Variants in NPBWR1 observed in about 807,000 individuals in gnomAD.
NPBWR1 encodes the protein neuropeptides B/W receptor type 1.
NPBWR1 carries 4 observed loss-of-function variants against 2.8 expected under a neutral mutation model. The ratio of observed to expected loss-of-function variants is 1.44; its 90% CI spans 0.71 to 3.29. The LOEUF (loss-of-function observed/expected upper bound fraction) is 3.29. NPBWR1 is among the 30% of genes most tolerant of loss of function. NPBWR1 has a pLI of 0.01. For missense variants in NPBWR1, 545 were observed against 462.5 expected (o/e 1.18, Z -1.64); for synonymous variants, 250 against 224.5 (o/e 1.11, Z -1.02).
chr8:52,941,394 G>A lies in NPBWR1; in HGVS notation c.*500G>A, dbSNP rs1432260920. 6.6e-6 allele frequency among the ~76,000 whole-genome samples: 1 copy of A among 152,198 alleles called. No individual in the cohort carries two copies. The highest frequency in any genetic ancestry group is 2.4e-5 in the African/African-American group (1 of 41,466). On this transcript the variant is annotated 3_prime_UTR_variant, in exon 2 of 2. Coordinates refer to ENST00000674939, the MANE Select transcript of NPBWR1 (RefSeq NM_005285.5). ...GGTCCCCTTGTCCTCCGCGCGCTCT[G>A]GGAAGACGGTCAGGCGCGCGCGTTT... is the stretch of plus-strand genomic sequence containing the variant.
rs774994967 is a variant in NPBWR1 at position 52,941,875 on chromosome 8, C to T, written c.*981C>T. On this transcript the variant is annotated 3_prime_UTR_variant, in exon 2 of 2. Transcript: ENST00000674939. Reference sequence around the variant, plus strand: ...GAGCGCGCTTCACAGCGCTGTGGCACACTGGTCATCGTTGCTTATAGAGGA... The same window carrying T: ...GAGCGCGCTTCACAGCGCTGTGGCATACTGGTCATCGTTGCTTATAGAGGA... Among the ~76,000 whole-genome samples the T allele has an allele frequency of 1.3e-5, 2 of 152,338 alleles. No individual in the cohort carries two copies. The highest frequency in any genetic ancestry group is 6.5e-5 in the Admixed American group (1 of 15,308).
rs947154339 is a variant in NPBWR1 at position 52,941,002 on chromosome 8, C to G, written c.*108C>G. ...GGCCGCCTAGGCCTCCTGGGGAAAC[C>G]GACTCGCGCCCCATACCCGACCTAG... On this transcript the variant is annotated 3_prime_UTR_variant, in exon 2 of 2. Coordinates refer to ENST00000674939, the MANE Select transcript of NPBWR1 (RefSeq NM_005285.5). 3 of 1,390,474 alleles carry G rather than the reference C, an allele frequency of 2.2e-6. No individual in the cohort carries two copies. The highest frequency in any genetic ancestry group is 2.9e-5 in the African/African-American group (2 of 68,850). The allele number at this position is 1,390,474 out of a possible 1,614,324, so 86.1% of individuals were successfully genotyped here. A position where few individuals can be genotyped will look rare whatever the true frequency, so the allele number is the denominator to read the frequency against.
rs1563549199 is a variant in NPBWR1 at position 52,942,961 on chromosome 8, T to C, written c.*2067T>C. On this transcript the variant is annotated 3_prime_UTR_variant, in exon 2 of 2. Coordinates refer to ENST00000674939, the MANE Select transcript of NPBWR1 (RefSeq NM_005285.5). ...AACATTCTATTGATTTTCCTTAAACTCTCAAAATTATCTCATGAATCCTCT... is the reference window on the plus strand; with the variant it reads ...AACATTCTATTGATTTTCCTTAAACCCTCAAAATTATCTCATGAATCCTCT... 1.3e-5 allele frequency among the ~76,000 whole-genome samples: 2 copies of C among 152,200 alleles called. No individual in the cohort carries two copies.
rs987891414 is a variant in NPBWR1, at chr8:52,939,883, C to G, written c.-25C>G. 2.7e-6 allele frequency: 4 copies of G among 1,498,024 alleles called. No individual in the cohort carries two copies. The highest frequency in any genetic ancestry group is 3.5e-6 in the Non-Finnish European group (4 of 1,134,140). 92.8% of individuals were successfully genotyped at this position (1,498,024 alleles called of 1,614,324 possible). A position where few individuals can be genotyped will look rare whatever the true frequency, so the allele number is the denominator to read the frequency against. On this transcript the variant is annotated 5_prime_UTR_variant, in exon 2 of 2. Coordinates refer to ENST00000674939, the MANE Select transcript of NPBWR1 (RefSeq NM_005285.5). The stretch of plus-strand genomic sequence containing the variant: ...AGGGCGTCCTTGGGGGACGCCAGGT[C>G]GCCGGCTCCTCTGCCCTCGTTGAGA...
In NPBWR1 at chr8:52,941,314, C is replaced by T. The variant is rs1307783097; in HGVS notation, c.*420C>T. On this transcript the variant is annotated 3_prime_UTR_variant, in exon 2 of 2. Coordinates refer to ENST00000674939, the MANE Select transcript of NPBWR1 (RefSeq NM_005285.5). ...GGGAGGCCCGAGGACGCTGCCGGCG[C>T]CCCCAGGCGTCGGCTCCGCGCGGCC... 6.6e-6 allele frequency among the ~76,000 whole-genome samples: 1 copy of T among 152,214 alleles called. No individual in the cohort carries two copies. Among genetic ancestry groups the T allele is most frequent in the Non-Finnish European group, 1.5e-5 (1 of 68,032 alleles).
rs1287968894 is a variant in NPBWR1, at chr8:52,939,283, G to C, written c.-281G>C. The C allele has an allele frequency of 1.3e-5, 2 of 152,328 alleles. No homozygotes were observed. Among genetic ancestry groups the C allele is most frequent in the Admixed American group, 6.5e-5 (1 of 15,292 alleles). The allele number at this position is 152,328 out of a possible 1,614,324, so 9.4% of individuals were successfully genotyped here. A position where few individuals can be genotyped will look rare whatever the true frequency, so the allele number is the denominator to read the frequency against. On this transcript the variant is annotated 5_prime_UTR_variant, in exon 1 of 2. Coordinates refer to ENST00000674939, the MANE Select transcript of NPBWR1 (RefSeq NM_005285.5). Reference sequence around the variant, plus strand: ...GACAGGGGGAGGCGGACACCCAGCCGGCAGGCGTCTCAGCCTCCCCGCAGC... The same window carrying C: ...GACAGGGGGAGGCGGACACCCAGCCCGCAGGCGTCTCAGCCTCCCCGCAGC...
Position 52,943,526 on chromosome 8 carries a change from C to A in NPBWR1, c.*2632C>A, listed in dbSNP as rs1056670142. Among the ~76,000 whole-genome samples, 1 of 152,206 alleles carries A rather than the reference C, an allele frequency of 6.6e-6. No homozygotes were observed. Among genetic ancestry groups the A allele is most frequent in the Non-Finnish European group, 1.5e-5 (1 of 68,036 alleles). On this transcript the variant is annotated 3_prime_UTR_variant, in exon 2 of 2. Coordinates refer to ENST00000674939, the MANE Select transcript of NPBWR1 (RefSeq NM_005285.5). ...CATCATTGTATTGCAAAGGTTTTAA[C>A]ACTGTGTTGAATTCTTGCAGTTTCT... is the stretch of plus-strand genomic sequence containing the variant.
rs925267379 is a variant in NPBWR1, at chr8:52,942,633, A to G, written c.*1739A>G. Among the ~76,000 whole-genome samples the G allele has an allele frequency of 6.6e-6, 1 of 152,206 alleles. No homozygotes were observed. Among genetic ancestry groups the G allele is most frequent in the Non-Finnish European group, 1.5e-5 (1 of 68,044 alleles). On this transcript the variant is annotated 3_prime_UTR_variant, in exon 2 of 2. Transcript: ENST00000674939. ...AGCTTTTAATAAATATTTGGAAGGA[A>G]AAAACTCCCCCTTGGAATGGGGGGA...
Position 52,940,915 on chromosome 8 carries a change from G to A in NPBWR1, c.*21G>A. 6.5e-7 allele frequency: 1 copy of A among 1,548,896 alleles called. No individual in the cohort carries two copies. Among genetic ancestry groups the A allele is most frequent in the Non-Finnish European group, 8.7e-7 (1 of 1,148,918 alleles). On this transcript the variant is annotated 3_prime_UTR_variant, in exon 2 of 2. Transcript: ENST00000674939. ...CCTGACTCCCCCAGCGTCCGGCTCCGCAACTGCCCGCCACTCCTGGCCAGC... is the reference window on the plus strand; with the variant it reads ...CCTGACTCCCCCAGCGTCCGGCTCCACAACTGCCCGCCACTCCTGGCCAGC...
chr8:52,940,485 C>A lies in NPBWR1; in HGVS notation c.578C>A (p.Pro193Gln), dbSNP rs1319811490. The part of the protein sequence containing the change: ...QGRRQCVLVF[P>Q]QPEAFWWRAS... ...CGGCGCCAGTGCGTGCTAGTCTTTC[C>A]GCAGCCCGAGGCCTTCTGGTGGCGC... The change falls in exon 2 of 2, where the codon CCG (proline) becomes CAG (glutamine). Residue 193 changes from proline (P) to glutamine (Q), a missense_variant. Physicochemically the swap from Pro to Gln is moderately conservative, Grantham distance 76. Coordinates refer to ENST00000674939, the MANE Select transcript of NPBWR1 (RefSeq NM_005285.5). The A allele has an allele frequency of 6.3e-7, 1 of 1,585,222 alleles. No individual in the cohort carries two copies. Among genetic ancestry groups the A allele is most frequent in the African/African-American group, 1.3e-5 (1 of 74,486 alleles).
In NPBWR1 at chr8:52,941,012, C is replaced by A. The variant is rs2128778169; in HGVS notation, c.*118C>A. On this transcript the variant is annotated 3_prime_UTR_variant, in exon 2 of 2. Transcript: ENST00000674939. ...GCCTCCTGGGGAAACCGACTCGCGC[C>A]CCATACCCGACCTAGCAGATCGGAA... The A allele has an allele frequency of 1.5e-6, 2 of 1,335,612 alleles. No homozygotes were observed. Among genetic ancestry groups the A allele is most frequent in the Non-Finnish European group, 2.0e-6 (2 of 1,007,170 alleles). The allele number at this position is 1,335,612 out of a possible 1,614,324, so 82.7% of individuals were successfully genotyped here.
In NPBWR1 at chr8:52,940,071, A is replaced by T; in HGVS notation, c.164A>T (p.Asn55Ile). Residue 55 changes from asparagine to isoleucine, a missense_variant, in exon 2 of 2, where the codon AAC becomes ATC. Coordinates refer to ENST00000674939, the MANE Select transcript of NPBWR1 (RefSeq NM_005285.5). ...AVICAVGLAG[N>I]SAVLYVLLRA... ...ATCTGCGCCGTGGGTCTGGCGGGCA[A>T]CTCCGCCGTGCTGTACGTGTTGCTG... The T allele has an allele frequency of 6.2e-7, 1 of 1,610,204 alleles. No homozygotes were observed. The highest frequency in any genetic ancestry group is 8.5e-7 in the Non-Finnish European group (1 of 1,179,898).
Position 52,940,886 on chromosome 8 carries a change from G to T in NPBWR1, c.979G>T (p.Ala327Ser). The change falls in exon 2 of 2, where the codon GCA becomes TCA. Residue 327 changes from alanine to serine, a missense_variant. Physicochemically the swap from Ala to Ser is moderately conservative, Grantham distance 99. Transcript: ENST00000674939. ...NLRQLITCRA[A>S]A ...CCGCCAGCTGATAACTTGCCGCGCG[G>T]CAGCCTGACTCCCCCAGCGTCCGGC... 1 of 1,599,458 alleles carries T rather than the reference G, an allele frequency of 6.3e-7. No homozygotes were observed. The highest frequency in any genetic ancestry group is 2.2e-5 in the East Asian group (1 of 44,704).
Position 52,939,911 on chromosome 8 carries a change from G to C in NPBWR1, c.4G>C (p.Asp2His), listed in dbSNP as rs1203546042. MDNASFSEPWPA... is the reference protein window; with the variant it reads MHNASFSEPWPA... ...CGGCTCCTCTGCCCTCGTTGAGATGGACAACGCCTCGTTCTCGGAGCCCTG... is the reference window on the plus strand; with the variant it reads ...CGGCTCCTCTGCCCTCGTTGAGATGCACAACGCCTCGTTCTCGGAGCCCTG... Residue 2 changes from aspartate (D) to histidine (H), a missense_variant, in exon 2 of 2, where the codon GAC becomes CAC. Physicochemically the swap from Asp to His is moderately conservative, Grantham distance 81. Coordinates refer to ENST00000674939, the MANE Select transcript of NPBWR1 (RefSeq NM_005285.5). The C allele has an allele frequency of 1.9e-6, 3 of 1,542,646 alleles. No individual in the cohort carries two copies. Among genetic ancestry groups the C allele is most frequent in the Non-Finnish European group, 2.6e-6 (3 of 1,154,212 alleles).
Position 52,941,096 on chromosome 8 carries a change from T to A in NPBWR1, c.*202T>A. The A allele has an allele frequency of 1.5e-6, 1 of 685,334 alleles. No homozygotes were observed. The highest frequency in any genetic ancestry group is 2.4e-6 in the Non-Finnish European group (1 of 419,120). 42.5% of individuals were successfully genotyped at this position (685,334 alleles called of 1,614,324 possible). On this transcript the variant is annotated 3_prime_UTR_variant, in exon 2 of 2. Transcript: ENST00000674939. ...AAGCCCTCCAGGTGATGCGCGGCCA[T>A]GCCGGGTGAGGAGAACTGAGGCTGA...
rs1401578269 is a variant in NPBWR1 at position 52,939,804 on chromosome 8, A to C, written c.-104A>C. 7.8e-6 allele frequency: 10 copies of C among 1,286,562 alleles called. No individual in the cohort carries two copies. The highest frequency in any genetic ancestry group is 1.0e-5 in the Non-Finnish European group (10 of 970,610). The allele number at this position is 1,286,562 out of a possible 1,614,324, so 79.7% of individuals were successfully genotyped here. A position where few individuals can be genotyped will look rare whatever the true frequency, so the allele number is the denominator to read the frequency against. Reference sequence around the variant, plus strand: ...GAGAACGGCTTGGAGAGCTGAAACGAGCGTCCGCGAGCAGGTCCGTGCAGA... The same window carrying C: ...GAGAACGGCTTGGAGAGCTGAAACGCGCGTCCGCGAGCAGGTCCGTGCAGA... On this transcript the variant is annotated 5_prime_UTR_variant, in exon 2 of 2. Coordinates refer to ENST00000674939, the MANE Select transcript of NPBWR1 (RefSeq NM_005285.5).
In NPBWR1 at chr8:52,939,274, C is replaced by G. The variant is rs1483215483; in HGVS notation, c.-290C>G. 6.6e-6 allele frequency: 1 copy of G among 152,152 alleles called. No homozygotes were observed. The highest frequency in any genetic ancestry group is 1.5e-5 in the Non-Finnish European group (1 of 68,062). The allele number at this position is 152,152 out of a possible 1,614,324, so 9.4% of individuals were successfully genotyped here. A position where few individuals can be genotyped will look rare whatever the true frequency, so the allele number is the denominator to read the frequency against. On this transcript the variant is annotated 5_prime_UTR_variant, in exon 1 of 2. Transcript: ENST00000674939. Reference sequence around the variant, plus strand: ...GGGGAGGCAGACAGGGGGAGGCGGACACCCAGCCGGCAGGCGTCTCAGCCT... The same window carrying G: ...GGGGAGGCAGACAGGGGGAGGCGGAGACCCAGCCGGCAGGCGTCTCAGCCT...
rs1563548399 is a variant in NPBWR1 at position 52,940,560 on chromosome 8, C to A, written c.653C>A (p.Thr218Asn). 6.3e-7 allele frequency: 1 copy of A among 1,598,886 alleles called. No individual in the cohort carries two copies. The highest frequency in any genetic ancestry group is 8.5e-7 in the Non-Finnish European group (1 of 1,175,026). The change falls in exon 2 of 2, where the codon ACC becomes AAC. Residue 218 changes from threonine (T) to asparagine (N), a missense_variant. Thr to Asn is a moderately conservative substitution (Grantham distance 65, BLOSUM62 0). Coordinates refer to ENST00000674939, the MANE Select transcript of NPBWR1 (RefSeq NM_005285.5). ...CTGGGCTTCGCCATCCCCGTGTCCA[C>A]CATCTGTGTCCTCTATACCACCCTG... ...LVLGFAIPVSTICVLYTTLLC... is the reference protein window; with the variant it reads ...LVLGFAIPVSNICVLYTTLLC...
chr8:52,940,285 C>A lies in NPBWR1; in HGVS notation c.378C>A (p.Phe126Leu). ...DQYNTFSSLY[F>L]LTVMSADRYL... ...ACAACACCTTCTCCAGCCTCTACTT[C>A]CTCACCGTCATGAGCGCCGACCGCT... is the stretch of plus-strand genomic sequence containing the variant. Residue 126 changes from phenylalanine (F) to leucine (L), a missense_variant, in exon 2 of 2, where the codon TTC (phenylalanine) becomes TTA (leucine). Phe to Leu is a conservative substitution (Grantham distance 22, BLOSUM62 0). Coordinates refer to ENST00000674939, the MANE Select transcript of NPBWR1 (RefSeq NM_005285.5). 1 of 1,613,344 alleles carries A rather than the reference C, an allele frequency of 6.2e-7. No homozygotes were observed. Among genetic ancestry groups the A allele is most frequent in the Non-Finnish European group, 8.5e-7 (1 of 1,179,980 alleles).
Sources: gnomAD v4.1 joint callset for allele counts (sites outside exome capture counted in the v4.1 genomes callset) on GRCh38, gnomAD v4.1.1 for gene constraint, MANE v1.5 for transcripts, NCBI Gene and HGNC (gene_info 2026-07-23, HGNC 2026-07-21) for gene names.